Variants in SLC26A7 observed in about 807,000 individuals in gnomAD.
SLC26A7 encodes solute carrier family 26 member 7.
A neutral mutation model predicts 82.5 loss-of-function variants in SLC26A7; 59 were observed. The observed-to-expected ratio is 0.72, with a 90% CI of 0.58 to 0.89. The LOEUF (loss-of-function observed/expected upper bound fraction) is 0.89, where lower values mean the gene tolerates loss of function less well. SLC26A7 is among the 40% of genes least tolerant of loss of function. The pLI is 0.00. For synonymous variants in SLC26A7, 271 were observed against 274.3 expected (o/e 0.99, Z 0.12); for missense variants, 820 against 793.0 (o/e 1.03, Z -0.41).
intron 2 of SLC26A7, among the ~76,000 whole-genome samples, chr8:91,271,262 T>C (rs1454079827): frequency 6.6e-6 from 1 of 152,216 alleles, no homozygotes; most frequent in African/African-American, 2.4e-5. Flanking sequence ...AAATAATTTA[T>C]ATATTTTATG....
intron 2 of SLC26A7, among the ~76,000 whole-genome samples, chr8:91,237,627 G>A (rs967609152): frequency 1.3e-5 from 2 of 151,968 alleles, no homozygotes; most frequent in South Asian, 2.1e-4. Context: ...TCTCTACCGT[G>A]TCTTTTCCTC....
chr8:91,340,339 C>A, intron 7 of SLC26A7, 65 bp from the exon 8 acceptor site: 2 of 1,566,958 alleles, frequency 1.3e-6, no homozygotes, highest in South Asian at 1.2e-5. Flanking sequence ...CAGTTAAATT[C>A]ATTGCAAGTT....
upstream of SLC26A7, among the ~76,000 whole-genome samples, chr8:91,244,579 C>G (rs1002366203): frequency 1.6e-4 from 24 of 151,900 alleles, no homozygotes; most frequent in Admixed American, 4.6e-4. Context: ...TCACAGCTCA[C>G]TGCAGCCCCG....
intron 5 of SLC26A7, among the ~76,000 whole-genome samples, chr8:91,322,207 T>G (rs1812809783): frequency 6.6e-6 from 1 of 152,174 alleles, no homozygotes. Context: ...AAATATATCT[T>G]CTGTTAATGG....
intron 6 of SLC26A7, among the ~76,000 whole-genome samples, chr8:91,336,715 A>T (rs1199815629): frequency 3.3e-5 from 5 of 152,182 alleles, no homozygotes; most frequent in Non-Finnish European, 7.3e-5. Context: ...TCAACTGATA[A>T]GGAAAGTTTA....
chr8:91,345,696 A>G (rs1000629187), intron 9 of SLC26A7, among the ~76,000 whole-genome samples: 1 of 152,202 alleles, frequency 6.6e-6, no homozygotes, highest in Admixed American at 6.5e-5. Flanking sequence ...GAGCAAGTTA[A>G]CATACTCACT....
chr8:91,233,265 C>T (rs775801612), intron 2 of SLC26A7, among the ~76,000 whole-genome samples: 4 of 152,074 alleles, frequency 2.6e-5, no homozygotes, highest in Non-Finnish European at 5.9e-5. Context: ...CAGCTTTTCC[C>T]TTAGAAAATG....
chr8:91,295,639 C>T lies in SLC26A7; in HGVS notation c.413C>T (p.Ser138Phe), dbSNP rs1246391759. The T allele has an allele frequency of 1.9e-6, 3 of 1,614,078 alleles. No homozygotes were observed. Among genetic ancestry groups the T allele is most frequent in the Admixed American group, 1.7e-5 (1 of 60,020 alleles). ...AGTAACACAAGCGTGCTGGGCTTAT[C>T]CGACTTTGAAATGCAAAGGATCCAC... ...TQSNTSVLGL[S>F]DFEMQRIHVA... Residue 138 changes from serine (S) to phenylalanine (F), a missense_variant, in exon 4 of 19, where the codon TCC becomes TTC. Ser to Phe is a radical substitution (Grantham distance 155, BLOSUM62 -2). Transcript: ENST00000276609.
intron 2 of SLC26A7, among the ~76,000 whole-genome samples, chr8:91,286,619 T>C (rs1355530988): frequency 6.6e-6 from 1 of 152,202 alleles, no homozygotes; most frequent in Non-Finnish European, 1.5e-5. Context: ...GCAATATTTT[T>C]CCCCGAAATA....
At chr8:91,248,234 C>CA (rs910932412), upstream of SLC26A7, among the ~76,000 whole-genome samples, 1 of 152,044 alleles carries the variant, frequency 6.6e-6, no homozygotes. Flanking sequence ...AATTCCCCCC[C>CA]ACCCCGCTGC....
intron 15 of SLC26A7, among the ~76,000 whole-genome samples, chr8:91,371,387 T>C (rs1211554798): frequency 6.6e-6 from 1 of 151,798 alleles, no homozygotes; most frequent in African/African-American, 2.4e-5. Context: ...TTTCTCCTCA[T>C]TTCCTACCCT....
At chr8:91,366,483 A>C in intron 13 of SLC26A7, 97 bp from the exon 14 acceptor site, 1 of 1,315,752 alleles carries the variant, frequency 7.6e-7, no homozygotes, top group African/African-American at 1.5e-5. Flanking sequence ...ATGTTAATTG[A>C]GAGATTGCTT....
chr8:91,261,273 A>G (rs966146472), intron 2 of SLC26A7, among the ~76,000 whole-genome samples: 3 of 152,188 alleles, frequency 2.0e-5, no homozygotes, highest in African/African-American at 7.2e-5. Flanking sequence ...GAGGAGTATA[A>G]GACAACAATC....
intron 2 of SLC26A7, among the ~76,000 whole-genome samples, chr8:91,270,094 A>G (rs1811228389): frequency 6.6e-6 from 1 of 151,972 alleles, no homozygotes; most frequent in Admixed American, 6.5e-5. Context: ...TTCTTGGTCC[A>G]TTATTGGAGC....
intron 2 of SLC26A7, among the ~76,000 whole-genome samples, chr8:91,275,561 A>G (rs1811385807): frequency 6.6e-6 from 1 of 152,212 alleles, no homozygotes; most frequent in African/African-American, 2.4e-5. Context: ...TGGTCTCTCA[A>G]GAGCTGGGAC....
At chr8:91,265,933 T>C (rs1371238337) in intron 2 of SLC26A7, among the ~76,000 whole-genome samples, 2 of 152,080 alleles carry the variant, frequency 1.3e-5, no homozygotes, top group Non-Finnish European at 2.9e-5. Context: ...AGAAGCTTTT[T>C]AGTTTGATAG....
intron 2 of SLC26A7, among the ~76,000 whole-genome samples, chr8:91,269,294 C>CAG (rs56279511): frequency 0.11 from 16,842 of 152,020 alleles, 1,118 homozygotes; most frequent in Middle Eastern, 0.21. Flanking sequence ...TGAATTTCCT[C>CAG]ATCTTGTTTG....
rs1425834870 is a variant in SLC26A7, at chr8:91,395,644, G to A, written c.*547G>A. 1.3e-5 allele frequency: 2 copies of A among 152,110 alleles called. No individual in the cohort carries two copies. Among genetic ancestry groups the A allele is most frequent in the Non-Finnish European group, 2.9e-5 (2 of 67,988 alleles). 9.4% of individuals were successfully genotyped at this position (152,110 alleles called of 1,614,324 possible). A position where few individuals can be genotyped will look rare whatever the true frequency, so the allele number is the denominator to read the frequency against. On this transcript the variant is annotated 3_prime_UTR_variant, in exon 19 of 19. Transcript: ENST00000276609. ...AAAAAGTAAACCAAACAAAACGAAT[G>A]AAAAACTGGAAATAATTCGTTTCCA...
upstream of SLC26A7, among the ~76,000 whole-genome samples, chr8:91,248,336 T>A (rs1454279600): frequency 2.0e-5 from 3 of 152,104 alleles, no homozygotes; most frequent in Non-Finnish European, 4.4e-5. Flanking sequence ...ACTCTTCACT[T>A]TAATTTAAAA....
Sources: allele counts gnomAD v4.1 joint callset (sites outside exome capture counted in the v4.1 genomes callset), GRCh38; gene constraint gnomAD v4.1.1; transcripts MANE v1.5; gene names NCBI Gene and HGNC (gene_info 2026-07-23, HGNC 2026-07-21).